The following SH3D19 variants were observed in gnomAD, a reference collection of about 807,000 sequenced individuals.
SH3D19 encodes SH3 domain-containing protein 19.
SH3D19 carries 58 observed loss-of-function variants against 112.1 expected under a neutral mutation model. The ratio of observed to expected loss-of-function variants is 0.52; its 90% CI spans 0.42 to 0.64. SH3D19 has a LOEUF of 0.64. SH3D19 is among the 30% of genes least tolerant of loss of function. The pLI is 0.00. For missense variants in SH3D19, 1,090 were observed against 1,263.4 expected (o/e 0.86, Z 2.08); for synonymous variants, 391 against 448.5 (o/e 0.87, Z 1.62).
At chr4:151,252,488 C>G (rs1268597811) in intron 1 of SH3D19, among the ~76,000 whole-genome samples, 1 of 152,182 alleles carries the variant, frequency 6.6e-6, no homozygotes. Flanking sequence ...ACTATCCTCT[C>G]AGTCTCTTAT....
In SH3D19 at chr4:151,325,394, G is replaced by A; in HGVS notation, c.-42C>T. 6.6e-6 allele frequency: 7 copies of A among 1,053,418 alleles called. No individual in the cohort carries two copies. Among genetic ancestry groups the A allele is most frequent in the Non-Finnish European group, 8.4e-6 (7 of 836,326 alleles). The allele number at this position is 1,053,418 out of a possible 1,614,324, so 65.3% of individuals were successfully genotyped here. ...GCAGCCGCGGGATGGCCAGCGAGCT[G>A]CGGCCCCGGCGCCCCAGAACGCCTG... On this transcript the variant is annotated 5_prime_UTR_variant, in exon 1 of 20. Coordinates refer to ENST00000604030, the MANE Select transcript of SH3D19 (RefSeq NM_001378122.1).
chr4:151,187,764 T>C (rs1179058566), intron 2 of SH3D19, among the ~76,000 whole-genome samples: 1 of 152,194 alleles, frequency 6.6e-6, no homozygotes, highest in Non-Finnish European at 1.5e-5. Context: ...TTAGACAGCA[T>C]TACATGGCGC....
At chr4:151,138,622 G>A (rs572355791) in intron 13 of SH3D19, among the ~76,000 whole-genome samples, 10 of 151,256 alleles carry the variant, frequency 6.6e-5, no homozygotes, top group Admixed American at 6.6e-4. Context: ...TTGAGTCCAG[G>A]AGTTCAAGGT....
At chr4:151,138,255 T>C (rs1752249679) in intron 13 of SH3D19, among the ~76,000 whole-genome samples, 1 of 152,180 alleles carries the variant, frequency 6.6e-6, no homozygotes, top group Non-Finnish European at 1.5e-5. Flanking sequence ...AAATATTAAC[T>C]AAGGGAGTAC....
chr4:151,160,087 CTTTTTTT>C (rs1203320024), intron 8 of SH3D19, among the ~76,000 whole-genome samples: 2 of 137,542 alleles, frequency 1.5e-5, no homozygotes, highest in Non-Finnish European at 3.2e-5. Context: ...TGTTTTATTT[CTTTTTTT>C]TTTTTTTTTT....
rs1759755255 is a variant in SH3D19 at position 151,175,180 on chromosome 4, T to C, written c.1024A>G (p.Asn342Asp). ...KPSVAPKPAA[N>D]RASGEWDSGT... ...GAGTCCCACTCTCCAGAAGCTCTGT[T>C]AGCAGCTGGTTTGGGAGCTACAGAA... is the stretch of plus-strand genomic sequence containing the variant. Residue 342 changes from asparagine to aspartate, a missense_variant, in exon 7 of 20, where the codon AAC (asparagine) becomes GAC (aspartate). Asn to Asp is a conservative substitution (Grantham distance 23). Coordinates refer to ENST00000604030, the MANE Select transcript of SH3D19 (RefSeq NM_001378122.1). 1 of 1,614,068 alleles carries C rather than the reference T, an allele frequency of 6.2e-7. No homozygotes were observed.
chr4:151,258,983 C>G (rs576000881), intron 1 of SH3D19, among the ~76,000 whole-genome samples: 1 of 152,052 alleles, frequency 6.6e-6, no homozygotes, highest in African/African-American at 2.4e-5. Flanking sequence ...GGGCTTCAGA[C>G]TAGGAAAGGC....
intron 11 of SH3D19, among the ~76,000 whole-genome samples, chr4:151,145,139 A>T (rs1012767258): frequency 1.3e-5 from 2 of 152,212 alleles, no homozygotes; most frequent in African/African-American, 4.8e-5. Flanking sequence ...ATGGTACTGT[A>T]GGCATGCAAT....
intron 1 of SH3D19, among the ~76,000 whole-genome samples, chr4:151,290,618 A>T (rs1253605966): frequency 6.6e-6 from 1 of 152,194 alleles, no homozygotes; most frequent in Non-Finnish European, 1.5e-5. Flanking sequence ...GGTTGTGGTG[A>T]TGGTTGTACA....
chr4:151,120,885 G>C lies in SH3D19; in HGVS notation c.*1206C>G, dbSNP rs992950792. 3.3e-5 allele frequency: 5 copies of C among 152,580 alleles called. No individual in the cohort carries two copies. Among genetic ancestry groups the C allele is most frequent in the African/African-American group, 1.2e-4 (5 of 41,450 alleles). The allele number at this position is 152,580 out of a possible 1,614,324, so 9.5% of individuals were successfully genotyped here. ...ATTTCCAATGAAATTCTATTCCATT[G>C]ATCTGTTTGGATGATTGTCTTCAAC... On this transcript the variant is annotated 3_prime_UTR_variant, in exon 20 of 20. Coordinates refer to ENST00000604030, the MANE Select transcript of SH3D19 (RefSeq NM_001378122.1).
intron 1 of SH3D19, among the ~76,000 whole-genome samples, chr4:151,241,039 C>T (rs1360596026): frequency 6.6e-6 from 1 of 151,662 alleles, no homozygotes; most frequent in East Asian, 1.9e-4. Flanking sequence ...AATCCCAACA[C>T]TTTGGGAGGC....
chr4:151,255,941 T>C (rs1771867249), intron 1 of SH3D19, among the ~76,000 whole-genome samples: 1 of 148,902 alleles, frequency 6.7e-6, no homozygotes, highest in Non-Finnish European at 1.5e-5. Flanking sequence ...GCAGGGAGGT[T>C]GCAGTGAGCT....
chr4:151,150,882 C>T (rs1484188528), intron 9 of SH3D19, among the ~76,000 whole-genome samples: 1 of 150,780 alleles, frequency 6.6e-6, no homozygotes, highest in Non-Finnish European at 1.5e-5. Context: ...TTCAGATCTT[C>T]TGTTGAGTGG....
chr4:151,279,846 G>A lies in SH3D19; in HGVS notation c.112+45395C>T, dbSNP rs201900582. ...CCGCGTTGTAGGTGGCCAGGATGCT[G>A]CTGCAGGGCGCTGGCCTTGGCAGGT... On this transcript the variant is annotated intron_variant, in intron 1 of 19. Coordinates refer to ENST00000604030, the MANE Select transcript of SH3D19 (RefSeq NM_001378122.1). 1.7e-5 allele frequency: 27 copies of A among 1,606,194 alleles called. No individual in the cohort carries two copies. In the East Asian group the frequency reaches 4.9e-4, roughly 29 times the overall value.
intron 2 of SH3D19, among the ~76,000 whole-genome samples, chr4:151,195,265 G>A (rs1315611845): frequency 2.7e-5 from 4 of 149,654 alleles, no homozygotes; most frequent in Admixed American, 2.0e-4. Context: ...CCAGCTACTC[G>A]GGAGGCTGAG....
At chr4:151,183,031 G>A (rs530866652) in intron 3 of SH3D19, among the ~76,000 whole-genome samples, 2 of 143,290 alleles carry the variant, frequency 1.4e-5, no homozygotes, top group South Asian at 2.2e-4. Flanking sequence ...TCTCTCTGTC[G>A]CCCAGGCTGG....
At chr4:151,267,719 A>C (rs1772920339) in intron 1 of SH3D19, among the ~76,000 whole-genome samples, 1 of 152,230 alleles carries the variant, frequency 6.6e-6, no homozygotes, top group African/African-American at 2.4e-5. Context: ...GTGAATAAAC[A>C]TAAAAAGGGA....
At chr4:151,216,182 T>C (rs1767070336) in intron 2 of SH3D19, among the ~76,000 whole-genome samples, 1 of 152,224 alleles carries the variant, frequency 6.6e-6, no homozygotes, top group African/African-American at 2.4e-5. Flanking sequence ...AGTTTACTTT[T>C]AATGAGACAG....
At chr4:151,287,131 A>C (rs1398751069) in intron 1 of SH3D19, among the ~76,000 whole-genome samples, 2 of 151,792 alleles carry the variant, frequency 1.3e-5, no homozygotes, top group Admixed American at 1.3e-4. Flanking sequence ...ACCTGATGTC[A>C]GGAGTTTGGG....
Sources: allele counts gnomAD v4.1 joint callset (sites outside exome capture counted in the v4.1 genomes callset), GRCh38; gene constraint gnomAD v4.1.1; transcripts MANE v1.5; gene names NCBI Gene and HGNC (gene_info 2026-07-23, HGNC 2026-07-21).